Variants in PIGN observed in about 807,000 individuals in gnomAD.
PIGN encodes GPI ethanolamine phosphate transferase 1.
Under a neutral mutation model 125.4 loss-of-function variants are expected in PIGN, and 117 were observed. The ratio of observed to expected loss-of-function variants is 0.93; its 90% CI spans 0.80 to 1.09. The LOEUF is 1.09. PIGN is among the 50% of genes least tolerant of loss of function. The pLI, the probability that PIGN is intolerant of heterozygous loss-of-function variation, is 0.00. For synonymous variants in PIGN, 392 were observed against 377.8 expected, an observed-to-expected ratio of 1.04 and a Z score of -0.44; for missense variants, 1,075 against 1,094.9, an observed-to-expected ratio of 0.98 and a Z score of 0.26.
chr18:62,138,803 A>C (rs868259999), intron 13 of PIGN, among the ~76,000 whole-genome samples, 180 bp downstream of exon 13: 4 of 152,228 alleles, frequency 2.6e-5, no homozygotes, highest in African/African-American at 9.6e-5. Flanking sequence ...TTATGTCCTC[A>C]GACTGAGCCA....
At chr18:62,184,278 A>T (rs2037819503) in intron 1 of PIGN, among the ~76,000 whole-genome samples, 1 of 152,352 alleles carries the variant, frequency 6.6e-6, no homozygotes, top group Non-Finnish European at 1.5e-5. Flanking sequence ...GAAAAAAGGC[A>T]TCTTTTACAT....
At chr18:62,159,816 T>C (rs1013385869) in intron 4 of PIGN, among the ~76,000 whole-genome samples, 2 of 152,036 alleles carry the variant, frequency 1.3e-5, no homozygotes, top group African/African-American at 4.8e-5. Context: ...GGAAGTACTA[T>C]AAAGAAAAAT....
intron 30 of PIGN, among the ~76,000 whole-genome samples, chr18:62,064,086 CA>C (rs957973602): frequency 3.9e-4 from 60 of 152,116 alleles, no homozygotes; most frequent in African/African-American, 1.3e-3. Flanking sequence ...ATAAAACAAA[CA>C]AAAAAAGAAA....
intron 14 of PIGN, among the ~76,000 whole-genome samples, chr18:62,119,905 C>T (rs2035234805): frequency 6.6e-6 from 1 of 151,082 alleles, no homozygotes; most frequent in Admixed American, 6.6e-5. Flanking sequence ...TTGCCTGAAG[C>T]TTGAAGAGCA....
intron 6 of PIGN, 46 bp downstream of exon 6, chr18:62,157,083 T>C: frequency 1.2e-6 from 1 of 863,796 alleles, no homozygotes; most frequent in Non-Finnish European, 1.8e-6. Flanking sequence ...CCATATTGAC[T>C]TACTCCCTAT....
At chr18:62,131,595 AATGG>A (rs2035740623) in intron 14 of PIGN, among the ~76,000 whole-genome samples, 1 of 152,124 alleles carries the variant, frequency 6.6e-6, no homozygotes, top group Admixed American at 6.5e-5. Flanking sequence ...TCTTTATCAG[AATGG>A]ATGTTTTATG....
intron 15 of PIGN, 57 bp from the exon 16 acceptor site, chr18:62,113,373 T>C: frequency 7.4e-7 from 1 of 1,358,138 alleles, no homozygotes; most frequent in Non-Finnish European, 1.0e-6. Flanking sequence ...AACCTACATT[T>C]TAAAGAAAGG....
At chr18:62,178,089 T>A (rs1021433332) in intron 1 of PIGN, among the ~76,000 whole-genome samples, 1 of 152,072 alleles carries the variant, frequency 6.6e-6, no homozygotes, top group African/African-American at 2.4e-5. Context: ...ACTAGACAGA[T>A]CAAAATGCAC....
At chr18:62,026,892 G>C (rs576291406) in intron 23 of PIGN, among the ~76,000 whole-genome samples, 1 of 152,282 alleles carries the variant, frequency 6.6e-6, no homozygotes, top group East Asian at 1.9e-4. Flanking sequence ...TCCTTTGAGG[G>C]ACAAGCTTTT....
chr18:62,038,889 G>C (rs2030297021), downstream of PIGN, among the ~76,000 whole-genome samples: 2 of 151,644 alleles, frequency 1.3e-5, no homozygotes, highest in South Asian at 4.1e-4. Context: ...CTGCACTACA[G>C]CTTGCACGAC....
chr18:62,069,167 A>G (rs961564437), intron 30 of PIGN, among the ~76,000 whole-genome samples: 1 of 152,258 alleles, frequency 6.6e-6, no homozygotes, highest in African/African-American at 2.4e-5. Flanking sequence ...ATTACTGGTA[A>G]TAAGAGTAAA....
chr18:62,031,898 C>T (rs1198311195), intron 23 of PIGN, among the ~76,000 whole-genome samples: 2 of 152,062 alleles, frequency 1.3e-5, no homozygotes. Flanking sequence ...TTTCACAGTT[C>T]CAAAGTCCTA....
intron 12 of PIGN, among the ~76,000 whole-genome samples, chr18:62,139,915 A>G (rs796846172): frequency 6.6e-6 from 1 of 152,316 alleles, no homozygotes; most frequent in South Asian, 2.1e-4. Flanking sequence ...TTCAAGCACC[A>G]CTTTGTTTCA....
chr18:62,135,666 C>A (rs1337828134), intron 14 of PIGN: 7 of 122,654 alleles, frequency 5.7e-5, no homozygotes, highest in Admixed American at 1.0e-4. Context: ...CTCTGTTGCT[C>A]AGGCTGGAGT....
intron 14 of PIGN, among the ~76,000 whole-genome samples, chr18:62,134,519 C>T (rs1207552904): frequency 6.6e-6 from 1 of 152,214 alleles, no homozygotes; most frequent in Non-Finnish European, 1.5e-5. Flanking sequence ...TTCCTTCCCT[C>T]TCTGCCTTCC....
intron 1 of PIGN, among the ~76,000 whole-genome samples, chr18:62,168,507 T>C (rs1005253748): frequency 1.3e-5 from 2 of 152,178 alleles, no homozygotes; most frequent in African/African-American, 4.8e-5. Flanking sequence ...ACATTGTTTC[T>C]GAACCATTTG....
chr18:62,018,968 G>A (rs1258815014), intron 23 of PIGN, among the ~76,000 whole-genome samples: 1 of 152,164 alleles, frequency 6.6e-6, no homozygotes, highest in Non-Finnish European at 1.5e-5. Context: ...TGTAATCTCA[G>A]TACTTTCGGA....
At chr18:62,032,183 G>A (rs1354082967) in intron 23 of PIGN, among the ~76,000 whole-genome samples, 3 of 152,128 alleles carry the variant, frequency 2.0e-5, no homozygotes, top group Non-Finnish European at 4.4e-5. Flanking sequence ...TTCCTAATAA[G>A]GTCACATTCA....
At chr18:62,086,373 C>G (rs1189873004) in intron 25 of PIGN, among the ~76,000 whole-genome samples, 1 of 152,102 alleles carries the variant, frequency 6.6e-6, no homozygotes, top group African/African-American at 2.4e-5. Flanking sequence ...AATCCCAGCA[C>G]TTAGGGAGGC....
Sources: allele counts gnomAD v4.1 joint callset (sites outside exome capture counted in the v4.1 genomes callset), GRCh38; gene constraint gnomAD v4.1.1; transcripts MANE v1.5; gene names NCBI Gene and HGNC (gene_info 2026-07-23, HGNC 2026-07-21).